Variants in PGBD5 observed in about 807,000 individuals in gnomAD.
The protein encoded by PGBD5 is piggyBac transposable element-derived protein 5.
In PGBD5, 14 loss-of-function variants were observed where a neutral mutation model predicts 47.9. That is an observed-to-expected ratio of 0.29 (90% CI 0.19 to 0.46). The LOEUF (loss-of-function observed/expected upper bound fraction) is 0.46. PGBD5 is among the 20% of genes least tolerant of loss of function. The probability of loss-of-function intolerance (pLI) is 1.00; values close to 1 mark genes in which losing one functional copy is unlikely to be tolerated. For synonymous variants in PGBD5, 316 were observed against 306.3 expected, an observed-to-expected ratio of 1.03 and a Z score of -0.33; for missense variants, 635 against 716.0, an observed-to-expected ratio of 0.89 and a Z score of 1.29.
chr1:230,378,257 A>T (rs1247365997), intron 1 of PGBD5, among the ~76,000 whole-genome samples: 1 of 152,190 alleles, frequency 6.6e-6, no homozygotes, highest in East Asian at 1.9e-4. Flanking sequence ...GCACAAAGAA[A>T]TCAAATCACT....
At chr1:230,347,968 C>T (rs1265795770) in intron 3 of PGBD5, among the ~76,000 whole-genome samples, 3 of 152,292 alleles carry the variant, frequency 2.0e-5, no homozygotes, top group South Asian at 2.1e-4. Context: ...TATGCACTTG[C>T]CCCTTCAAAT....
chr1:230,368,573 AGG>A (rs1667879140), intron 1 of PGBD5, among the ~76,000 whole-genome samples: 2 of 151,094 alleles, frequency 1.3e-5, no homozygotes, highest in Admixed American at 6.6e-5. Context: ...GAAATGACGC[AGG>A]GGGATGATGA....
intron 1 of PGBD5, among the ~76,000 whole-genome samples, chr1:230,390,698 A>G (rs935569263): frequency 3.9e-5 from 6 of 152,052 alleles, no homozygotes; most frequent in African/African-American, 1.4e-4. Flanking sequence ...CATCTCAAGA[A>G]GCCCACTTGT....
At chr1:230,370,778 C>T (rs1403189682) in intron 1 of PGBD5, among the ~76,000 whole-genome samples, 9 of 152,290 alleles carry the variant, frequency 5.9e-5, no homozygotes, top group South Asian at 4.1e-4. Flanking sequence ...ACAGCCTCAA[C>T]GCACATGGCT....
At chr1:230,422,675 T>C (rs1657676084) in intron 1 of PGBD5, among the ~76,000 whole-genome samples, 1 of 152,006 alleles carries the variant, frequency 6.6e-6, no homozygotes, top group African/African-American at 2.4e-5. Context: ...AAGGGCCCTC[T>C]CCACCCATAA....
Position 230,426,059 on chromosome 1 carries a change from C to A in PGBD5, c.-131G>T, listed in dbSNP as rs1474645158. ...CAGCACAGCGCCCGCCGCCCCGTGC[C>A]CGGCCGGCCCGCCGTCTTGGCCGCC... On this transcript the variant is annotated 5_prime_UTR_variant, in exon 1 of 7. Coordinates refer to ENST00000391860, the MANE Select transcript of PGBD5 (RefSeq NM_001258311.2). 1 of 330,638 alleles carries A rather than the reference C, an allele frequency of 3.0e-6. No homozygotes were observed. Among genetic ancestry groups the A allele is most frequent in the South Asian group, 1.1e-4 (1 of 8,996 alleles). The allele number at this position is 330,638 out of a possible 1,614,324, so 20.5% of individuals were successfully genotyped here.
At chr1:230,365,978 T>G (rs1667826527) in intron 1 of PGBD5, among the ~76,000 whole-genome samples, 1 of 152,236 alleles carries the variant, frequency 6.6e-6, no homozygotes, top group Non-Finnish European at 1.5e-5. Context: ...ACATTGTGCC[T>G]AGCACAGGGA....
At chr1:230,337,042 G>A (rs908504269) in intron 4 of PGBD5, 66 bp downstream of exon 4, 1 of 1,552,178 alleles carries the variant, frequency 6.4e-7, no homozygotes, top group African/African-American at 1.4e-5. Context: ...CCCCCACCTG[G>A]ACCTCTCCCA....
intron 1 of PGBD5, among the ~76,000 whole-genome samples, chr1:230,382,209 G>A (rs896039630): frequency 2.0e-5 from 3 of 152,170 alleles, no homozygotes; most frequent in Non-Finnish European, 4.4e-5. Flanking sequence ...TGAGTGTCTC[G>A]CTGCAGAATC....
At chr1:230,389,873 G>T (rs1322521918) in intron 1 of PGBD5, among the ~76,000 whole-genome samples, 1 of 152,204 alleles carries the variant, frequency 6.6e-6, no homozygotes, top group Non-Finnish European at 1.5e-5. Flanking sequence ...AATGATTTGG[G>T]ATGGGACCTG....
intron 5 of PGBD5, among the ~76,000 whole-genome samples, chr1:230,329,130 G>GGA (rs1349721381): frequency 6.6e-6 from 1 of 151,236 alleles, no homozygotes; most frequent in Non-Finnish European, 1.5e-5. Context: ...TTTGGGGGGG[G>GGA]AGGTGGTATT....
chr1:230,332,123 G>C (rs1667230419), intron 5 of PGBD5, among the ~76,000 whole-genome samples: 1 of 16,674 alleles, frequency 6.0e-5, no homozygotes, highest in Non-Finnish European at 1.4e-4. Flanking sequence ...CAAACACCTG[G>C]GCTCCTTAGC....
rs1346457961 is a variant in PGBD5 at position 230,393,286 on chromosome 1, C to G, written c.331+32312G>C. On this transcript the variant is annotated intron_variant, in intron 1 of 6. Coordinates refer to ENST00000391860, the MANE Select transcript of PGBD5 (RefSeq NM_001258311.2). ...AGGGGGAGGAGGAGGGAGGAAAAAG[C>G]GAAGAGAAGAGAAAGGGGAGGGGGA... 7.2e-5 allele frequency among the ~76,000 whole-genome samples: 9 copies of G among 125,148 alleles called. No homozygotes were observed. The South Asian group carries it at 1.7e-3, about 24-fold the overall frequency. 82.1% of individuals were successfully genotyped at this position (125,148 alleles called of 152,430 possible).
At chr1:230,422,296 G>T (rs1455965412) in intron 1 of PGBD5, among the ~76,000 whole-genome samples, 4 of 152,032 alleles carry the variant, frequency 2.6e-5, no homozygotes, top group Non-Finnish European at 5.9e-5. Context: ...CGAATCACAA[G>T]ACTGCTCAGA....
Position 230,425,815 on chromosome 1 carries a change from CG to C in PGBD5, c.113del (p.Pro38ArgfsTer125), listed in dbSNP as rs1333811211. On this transcript the variant is annotated frameshift_variant, in exon 1 of 7. Coordinates refer to ENST00000391860, the MANE Select transcript of PGBD5 (RefSeq NM_001258311.2). LOFTEE classifies it high-confidence loss of function. The surrounding 1 kb of genome is among the most constrained non-coding windows in gnomAD (Gnocchi z 4.7). ...ISDDVFGESG[P>X]DSGGNPFYST... The stretch of plus-strand genomic sequence containing the variant: ...TGTAGAAGGGGTTCCCGCCGCTGTC[CG>C]GGCCGGACTCGCCGAACACGTCGTC... 1 of 1,208,778 alleles carries C rather than the reference CG, an allele frequency of 8.3e-7. No individual in the cohort carries two copies. The highest frequency in any genetic ancestry group is 1.6e-5 in the African/African-American group (1 of 63,196). The allele number at this position is 1,208,778 out of a possible 1,614,324, so 74.9% of individuals were successfully genotyped here.
At chr1:230,408,928 T>C (rs891560837) in intron 1 of PGBD5, among the ~76,000 whole-genome samples, 2 of 151,918 alleles carry the variant, frequency 1.3e-5, no homozygotes, top group African/African-American at 2.4e-5. Flanking sequence ...ACCCACTAAA[T>C]GGAAGAAAAA....
In PGBD5 at chr1:230,315,207, C is replaced by G. The variant is rs1666917020; in HGVS notation, c.*8218G>C. 1 of 152,342 alleles carries G rather than the reference C, an allele frequency of 6.6e-6. No homozygotes were observed. Among genetic ancestry groups the G allele is most frequent in the Non-Finnish European group, 1.5e-5 (1 of 68,176 alleles). The allele number at this position is 152,342 out of a possible 1,614,324, so 9.4% of individuals were successfully genotyped here. On this transcript the variant is annotated 3_prime_UTR_variant, in exon 7 of 7. Transcript: ENST00000391860. ...GAGAACCAGCCACCCCCTCACCCCC[C>G]ACCAGAGTTCCCTGAAGGAACCAGC... is the stretch of plus-strand genomic sequence containing the variant.
intron 1 of PGBD5, among the ~76,000 whole-genome samples, chr1:230,401,101 T>C (rs1193250492): frequency 6.6e-6 from 1 of 152,164 alleles, no homozygotes; most frequent in Non-Finnish European, 1.5e-5. Context: ...ATACCTAACA[T>C]TTACCAGAAG....
rs1571837781 is a variant in PGBD5, at chr1:230,356,819, C to T, written c.759+75G>A. On this transcript the variant is annotated intron_variant, in intron 2 of 6. Coordinates refer to ENST00000391860, the MANE Select transcript of PGBD5 (RefSeq NM_001258311.2). ...GCAGGGCAGGAAGGACACCCCAAAG[C>T]CCTGCCAACAGACAAGGCTAGGCCG... The T allele has an allele frequency of 1.2e-5, 18 of 1,515,008 alleles. No individual in the cohort carries two copies. The East Asian group carries it at 4.1e-4, about 34-fold the overall frequency. The allele number at this position is 1,515,008 out of a possible 1,614,324, so 93.8% of individuals were successfully genotyped here.
Sources: gnomAD v4.1 joint callset for allele counts (sites outside exome capture counted in the v4.1 genomes callset) on GRCh38, gnomAD v4.1.1 for gene constraint, Gnocchi (gnomAD v3.1) non-coding constraint, MANE v1.5 for transcripts, NCBI Gene and HGNC (gene_info 2026-07-23, HGNC 2026-07-21) for gene names.